Variants in CPNE4 observed in about 807,000 individuals in gnomAD.
The protein encoded by CPNE4 is copine 4.
Under a neutral mutation model 67.9 loss-of-function variants are expected in CPNE4, and 25 were observed. The observed-to-expected ratio is 0.37, with a 90% CI of 0.27 to 0.51. The LOEUF (loss-of-function observed/expected upper bound fraction) is 0.51. CPNE4 is among the 20% of genes least tolerant of loss of function. The pLI is 0.93. For missense variants in CPNE4, 464 were observed against 690.8 expected (o/e 0.67, Z 3.68); for synonymous variants, 242 against 244.9 (o/e 0.99, Z 0.11).
intron 2 of CPNE4, among the ~76,000 whole-genome samples, chr3:131,812,526 GA>G (rs1278125056): frequency 2.0e-5 from 3 of 152,174 alleles, no homozygotes; most frequent in African/African-American, 7.2e-5. Context: ...AAAAACAAAA[GA>G]ATCTGAGCTT....
chr3:131,861,002 T>C (rs958815391), intron 2 of CPNE4, among the ~76,000 whole-genome samples: 5 of 152,224 alleles, frequency 3.3e-5, no homozygotes, highest in African/African-American at 1.2e-4. Flanking sequence ...TGACTTTCTG[T>C]CCACTTCATA....
chr3:131,884,935 T>C (rs1049987614), intron 2 of CPNE4, among the ~76,000 whole-genome samples: 1 of 152,216 alleles, frequency 6.6e-6, no homozygotes, highest in Non-Finnish European at 1.5e-5. Context: ...GGTATGTCTT[T>C]ATCAGCAGTG....
chr3:131,838,365 G>C (rs1185447803), intron 2 of CPNE4, among the ~76,000 whole-genome samples: 2 of 151,604 alleles, frequency 1.3e-5, no homozygotes, highest in East Asian at 1.9e-4. Context: ...AGTCTTATTA[G>C]AGCACCCAAG....
At chr3:131,897,669 G>A (rs2088390598) in intron 2 of CPNE4, among the ~76,000 whole-genome samples, 1 of 152,108 alleles carries the variant, frequency 6.6e-6, no homozygotes, top group African/African-American at 2.4e-5. Context: ...GCCAAGGCAG[G>A]AGGATTGCTC....
At chr3:131,543,186 AG>A (rs1319759877) in intron 14 of CPNE4, 1 of 166,280 alleles carries the variant, frequency 6.0e-6, no homozygotes, top group Non-Finnish European at 1.3e-5. Context: ...CTTTACTTGA[AG>A]ATATTTAAAA....
At chr3:131,617,062 G>A (rs910305446) in intron 7 of CPNE4, among the ~76,000 whole-genome samples, 1 of 152,176 alleles carries the variant, frequency 6.6e-6, no homozygotes, top group African/African-American at 2.4e-5. Flanking sequence ...CTGTTCTGAT[G>A]AATGCCCCAA....
intron 2 of CPNE4, among the ~76,000 whole-genome samples, chr3:131,799,970 C>T (rs1180639567): frequency 1.3e-5 from 2 of 150,954 alleles, no homozygotes; most frequent in Non-Finnish European, 3.0e-5. Context: ...TCATACATCT[C>T]TTTCTCCCAC....
At chr3:131,973,533 A>C (rs2072559403) in intron 1 of CPNE4, among the ~76,000 whole-genome samples, 1 of 152,218 alleles carries the variant, frequency 6.6e-6, no homozygotes, top group African/African-American at 2.4e-5. Flanking sequence ...TACTATTATC[A>C]TCTCCATTGG....
intron 1 of CPNE4, among the ~76,000 whole-genome samples, chr3:131,989,241 C>A (rs958912703): frequency 6.6e-6 from 1 of 152,114 alleles, no homozygotes; most frequent in Non-Finnish European, 1.5e-5. Flanking sequence ...GAAATAAAAC[C>A]TTTTGGTGGC....
chr3:131,537,923 G>A (rs1399304392), intron 15 of CPNE4, among the ~76,000 whole-genome samples: 1 of 152,052 alleles, frequency 6.6e-6, no homozygotes, highest in Non-Finnish European at 1.5e-5. Context: ...ATTGACATTT[G>A]GGGCTGAATA....
At chr3:131,550,188 A>G (rs1009966114) in intron 13 of CPNE4, 108 bp from the exon 14 acceptor site, 7 of 1,130,026 alleles carry the variant, frequency 6.2e-6, no homozygotes, top group South Asian at 5.0e-5. Context: ...GTCCTTATCA[A>G]CATCATGTTT....
At chr3:131,742,727 C>T (rs2082388326) in intron 2 of CPNE4, among the ~76,000 whole-genome samples, 1 of 151,948 alleles carries the variant, frequency 6.6e-6, no homozygotes. Context: ...GACCAAAAAT[C>T]CTGTTTACTT....
intron 2 of CPNE4, among the ~76,000 whole-genome samples, chr3:131,833,676 G>A (rs1427040800): frequency 6.6e-6 from 1 of 152,184 alleles, no homozygotes; most frequent in Non-Finnish European, 1.5e-5. Context: ...TCAACTCTGG[G>A]TGATGGAGCG....
rs750807630 is a variant in CPNE4, at chr3:131,950,164, GTCAA to G, written c.-1-44724_-1-44721del. Among the ~76,000 whole-genome samples the G allele has an allele frequency of 5.3e-5, 8 of 152,230 alleles. No homozygotes were observed. In the East Asian group the frequency reaches 9.6e-4, roughly 18 times the overall value. ...AAAAACTTCTGGTCACAATATTTTT[GTCAA>G]TCAATCAATAAAAACCTTGTTTTAT... On this transcript the variant is annotated intron_variant, in intron 1 of 15. Coordinates refer to ENST00000429747, the MANE Select transcript of CPNE4 (RefSeq NM_130808.3).
At chr3:131,646,893 TCTTTGTTAC>T (rs1434293024) in intron 7 of CPNE4, among the ~76,000 whole-genome samples, 2 of 152,204 alleles carry the variant, frequency 1.3e-5, no homozygotes, top group Non-Finnish European at 2.9e-5. Flanking sequence ...CTAGGGAATA[TCTTTGTTAC>T]CTTGGAAATC....
chr3:131,557,330 C>G (rs1378838354), intron 11 of CPNE4, among the ~76,000 whole-genome samples: 1 of 152,044 alleles, frequency 6.6e-6, no homozygotes, highest in Non-Finnish European at 1.5e-5. Flanking sequence ...GGTTAGGGCT[C>G]ACTGTCCTAA....
At chr3:132,026,628 GTATT>G (rs1560808804) in intron 1 of CPNE4, among the ~76,000 whole-genome samples, 1 of 152,128 alleles carries the variant, frequency 6.6e-6, no homozygotes, top group Non-Finnish European at 1.5e-5. Context: ...GACTGTGTAT[GTATT>G]TATATTTATA....
At chr3:131,774,557 C>T (rs2083248998) in intron 2 of CPNE4, among the ~76,000 whole-genome samples, 1 of 152,220 alleles carries the variant, frequency 6.6e-6, no homozygotes, top group East Asian at 1.9e-4. Context: ...CAATCAAAAG[C>T]ATTCTAACTG....
chr3:131,791,820 G>A (rs2083731087), intron 2 of CPNE4, among the ~76,000 whole-genome samples: 1 of 152,146 alleles, frequency 6.6e-6, no homozygotes, highest in African/African-American at 2.4e-5. Context: ...CTTGCAGGAT[G>A]GAGAAATTTC....
Sources: allele counts gnomAD v4.1 joint callset (sites outside exome capture counted in the v4.1 genomes callset), GRCh38; gene constraint gnomAD v4.1.1; transcripts MANE v1.5; gene names NCBI Gene and HGNC (gene_info 2026-07-23, HGNC 2026-07-21).